Variants in SPRED2 observed in about 807,000 individuals in gnomAD.
SPRED2 encodes the protein sprouty-related, EVH1 domain-containing protein 2.
Under a neutral mutation model 43.0 loss-of-function variants are expected in SPRED2, and 47 were observed. The ratio of observed to expected loss-of-function variants is 1.09; its 90% CI spans 0.87 to 1.40. SPRED2 has a LOEUF of 1.40. Ranked by LOEUF, SPRED2 falls within the 40% of genes most tolerant of loss-of-function variation. SPRED2 has a pLI of 0.00. For synonymous variants in SPRED2, 225 were observed against 225.7 expected (o/e 1.00, Z 0.03); for missense variants, 561 against 586.4 (o/e 0.96, Z 0.45).
At chr2:65,397,495 A>G (rs1193875278) in intron 1 of SPRED2, among the ~76,000 whole-genome samples, 1 of 152,092 alleles carries the variant, frequency 6.6e-6, no homozygotes, top group East Asian at 1.9e-4. Context: ...AGCTTTTCAC[A>G]ACTACCTAAA....
chr2:65,309,505 CAAAA>C (rs35507211), downstream of SPRED2, among the ~76,000 whole-genome samples: 2 of 59,996 alleles, frequency 3.3e-5, no homozygotes, highest in Non-Finnish European at 3.0e-5. Context: ...GACCCTGTCT[CAAAA>C]AAAAAAAAAA....
chr2:65,417,465 G>T (rs1204896602), intron 1 of SPRED2, among the ~76,000 whole-genome samples: 1 of 152,174 alleles, frequency 6.6e-6, no homozygotes, highest in African/African-American at 2.4e-5. Flanking sequence ...AGCTACACAA[G>T]AAGAGCATCT....
chr2:65,314,151 G>T lies in SPRED2; in HGVS notation c.607C>A (p.Arg203Ser). The change falls in exon 6 of 6, where the codon CGC becomes AGC. Residue 203 changes from arginine to serine, a missense_variant. Physicochemically the swap from Arg to Ser is moderately radical, Grantham distance 110. Transcript: ENST00000356388. The part of the protein sequence containing the change: ...HLDQPMPRPY[R>S]QVSFPDDDEE... ...TCGTCGTCCGGGAAGCTCACCTGGC[G>T]GTAGGGCCTTGGCATCGGCTGTCCC... 5 of 1,597,462 alleles carry T rather than the reference G, an allele frequency of 3.1e-6. No individual in the cohort carries two copies. Among genetic ancestry groups the T allele is most frequent in the Non-Finnish European group, 4.3e-6 (5 of 1,166,768 alleles).
chr2:65,335,459 A>G (rs1024714203), intron 2 of SPRED2, among the ~76,000 whole-genome samples: 5 of 152,228 alleles, frequency 3.3e-5, no homozygotes, highest in Non-Finnish European at 7.3e-5. Context: ...AGTTGTAATG[A>G]GTAGATTGAT....
At position 65,428,135 on chromosome 2, in the gene SPRED2, A is replaced by G. The variant is rs1676597508; in HGVS notation, c.26+3827T>C. 2.0e-5 allele frequency among the ~76,000 whole-genome samples: 3 copies of G among 152,232 alleles called. No homozygotes were observed. In the South Asian group the frequency reaches 6.2e-4, roughly 32 times the overall value. On this transcript the variant is annotated intron_variant, in intron 1 of 5. Coordinates refer to ENST00000356388, the MANE Select transcript of SPRED2 (RefSeq NM_181784.3). ...ATCTGAAAATGAAGCTCAGCCTGAA[A>G]GAAATCTATCTCAGTGCCCTGCAAA...
intron 5 of SPRED2, among the ~76,000 whole-genome samples, chr2:65,315,309 T>C (rs967102719): frequency 6.6e-6 from 1 of 152,194 alleles, no homozygotes. Flanking sequence ...TAGGACTGTT[T>C]TGAGAATGAA....
chr2:65,364,173 T>C (rs1301216426), intron 1 of SPRED2, among the ~76,000 whole-genome samples: 2 of 152,296 alleles, frequency 1.3e-5, no homozygotes, highest in South Asian at 4.1e-4. Context: ...ACAATAGCAA[T>C]GAGTGGCTCT....
intron 1 of SPRED2, among the ~76,000 whole-genome samples, chr2:65,385,006 T>C (rs1675462853): frequency 6.6e-6 from 1 of 150,546 alleles, no homozygotes; most frequent in African/African-American, 2.5e-5. Context: ...GGACTCTTGC[T>C]CTGTCACCCA....
chr2:65,370,004 T>C (rs897467380), intron 1 of SPRED2, among the ~76,000 whole-genome samples: 3 of 152,218 alleles, frequency 2.0e-5, no homozygotes, highest in Non-Finnish European at 4.4e-5. Context: ...TATATATGTA[T>C]ATAACTTAAG....
chr2:65,352,358 T>G (rs1674535815), intron 1 of SPRED2, among the ~76,000 whole-genome samples: 1 of 152,232 alleles, frequency 6.6e-6, no homozygotes, highest in Non-Finnish European at 1.5e-5. Flanking sequence ...AACAGGCTTC[T>G]CCACAGTTAT....
chr2:65,359,037 G>T (rs1480271475), intron 1 of SPRED2, among the ~76,000 whole-genome samples: 1 of 152,196 alleles, frequency 6.6e-6, no homozygotes, highest in Non-Finnish European at 1.5e-5. Context: ...AAAAGGATCC[G>T]TACTGATGTT....
At chr2:65,321,784 T>C (rs1208449622) in intron 4 of SPRED2, among the ~76,000 whole-genome samples, 1 of 152,144 alleles carries the variant, frequency 6.6e-6, no homozygotes, top group Non-Finnish European at 1.5e-5. Context: ...TTGCTATACA[T>C]TTTTTTGAGA....
intron 1 of SPRED2, among the ~76,000 whole-genome samples, chr2:65,390,063 G>C (rs1226978520): frequency 6.6e-6 from 1 of 152,204 alleles, no homozygotes; most frequent in Non-Finnish European, 1.5e-5. Context: ...GATTCTTCCT[G>C]CAATTCGCAG....
In SPRED2 at chr2:65,312,230, G is replaced by C. The variant is rs1018999965; in HGVS notation, c.*1271C>G. On this transcript the variant is annotated 3_prime_UTR_variant, in exon 6 of 6. Coordinates refer to ENST00000356388, the MANE Select transcript of SPRED2 (RefSeq NM_181784.3). Reference sequence around the variant, plus strand: ...TAACCACCTGTGCACCCAAAGTGGCGAGTCTGGGTTTGGAGTTGCAGGAGA... The same window carrying C: ...TAACCACCTGTGCACCCAAAGTGGCCAGTCTGGGTTTGGAGTTGCAGGAGA... 2 of 985,608 alleles carry C rather than the reference G, an allele frequency of 2.0e-6. No homozygotes were observed. The highest frequency in any genetic ancestry group is 2.4e-6 in the Non-Finnish European group (2 of 829,938). 61.1% of individuals were successfully genotyped at this position (985,608 alleles called of 1,614,324 possible).
intron 1 of SPRED2, among the ~76,000 whole-genome samples, chr2:65,375,644 T>C (rs552969154): frequency 1.5e-4 from 23 of 152,254 alleles, no homozygotes; most frequent in Admixed American, 5.9e-4. Context: ...CTAATAGTAA[T>C]GCACAAACCA....
At chr2:65,314,855 AC>A (rs1292461977) in intron 5 of SPRED2, among the ~76,000 whole-genome samples, 6 of 152,208 alleles carry the variant, frequency 3.9e-5, no homozygotes, top group African/African-American at 7.2e-5. Context: ...ACAGTAGCTC[AC>A]CATGTCATCT....
chr2:65,430,401 G>C (rs1427162603), intron 1 of SPRED2, among the ~76,000 whole-genome samples: 2 of 152,190 alleles, frequency 1.3e-5, no homozygotes, highest in Non-Finnish European at 2.9e-5. Flanking sequence ...TCACAGGAAG[G>C]AAACTGAAAT....
intron 1 of SPRED2, among the ~76,000 whole-genome samples, chr2:65,383,560 A>T (rs1381403695): frequency 6.6e-6 from 1 of 152,172 alleles, no homozygotes; most frequent in Non-Finnish European, 1.5e-5. Context: ...AGTGCCCATC[A>T]AAACCCACCA....
chr2:65,323,240 C>A (rs972200039), intron 4 of SPRED2, among the ~76,000 whole-genome samples: 2 of 152,138 alleles, frequency 1.3e-5, no homozygotes, highest in African/African-American at 4.8e-5. Flanking sequence ...GGTGATCCGC[C>A]CACCTCAGCC....
Sources: gnomAD v4.1 joint callset for allele counts (sites outside exome capture counted in the v4.1 genomes callset) on GRCh38, gnomAD v4.1.1 for gene constraint, MANE v1.5 for transcripts, NCBI Gene and HGNC (gene_info 2026-07-23, HGNC 2026-07-21) for gene names.